The following MANSC1 variants were observed in gnomAD, a reference collection of about 807,000 sequenced individuals.
MANSC1 encodes MANSC domain-containing protein 1.
MANSC1 carries 13 observed loss-of-function variants against 14.1 expected under a neutral mutation model. The observed-to-expected ratio is 0.92, with a 90% CI of 0.60 to 1.46. The LOEUF is 1.46. Among genes scored for constraint, MANSC1 ranks in the 40% most tolerant of loss-of-function variants. The pLI is 0.00. For synonymous variants in MANSC1, 227 were observed against 200.7 expected, an observed-to-expected ratio of 1.13 and a Z score of -1.11; for missense variants, 486 against 511.4, an observed-to-expected ratio of 0.95 and a Z score of 0.48.
chr12:12,331,036 G>C (rs1862783458), intron 3 of MANSC1, 78 bp from the exon 4 acceptor site: 1 of 949,736 alleles, frequency 1.1e-6, no homozygotes. Context: ...AAACATATCA[G>C]CTTGTTCAAA....
chr12:12,338,846 C>T lies in MANSC1; in HGVS notation c.224-286G>A, dbSNP rs1028344463. 1.3e-5 allele frequency: 6 copies of T among 447,174 alleles called. No homozygotes were observed. The East Asian group carries it at 3.0e-4, about 22-fold the overall frequency. The allele number at this position is 447,174 out of a possible 1,614,324, so 27.7% of individuals were successfully genotyped here. On this transcript the variant is annotated intron_variant, in intron 2 of 3. Coordinates refer to ENST00000535902, the MANE Select transcript of MANSC1 (RefSeq NM_018050.4). ...AAAGCCAAAGCAAAGTCTTTAAAGG[C>T]CAAGAAGGCAGGGCTGAAAGGCATC...
At chr12:12,332,547 G>A (rs939056468) in intron 3 of MANSC1, among the ~76,000 whole-genome samples, 1 of 152,200 alleles carries the variant, frequency 6.6e-6, no homozygotes, top group Non-Finnish European at 1.5e-5. Flanking sequence ...TTGAGACAGA[G>A]TCTCACTCTG....
chr12:12,330,719 C>G lies in MANSC1; in HGVS notation c.604G>C (p.Gly202Arg). The G allele has an allele frequency of 6.2e-7, 1 of 1,614,194 alleles. No homozygotes were observed. Among genetic ancestry groups the G allele is most frequent in the South Asian group, 1.1e-5 (1 of 91,086 alleles). ...GAAAATTGTGAACTCTGAGAATGGC[C>G]TTTTTCCTTATAAGCAAGGAGCTGG... ...SAQLLAYKEK[G>R]HSQSSQFSSD... The change falls in exon 4 of 4, where the codon GGC (glycine) becomes CGC (arginine). Residue 202 changes from glycine to arginine, a missense_variant. Transcript: ENST00000535902.
chr12:12,336,820 A>T (rs1862864488), intron 3 of MANSC1, among the ~76,000 whole-genome samples: 1 of 152,196 alleles, frequency 6.6e-6, no homozygotes, highest in African/African-American at 2.4e-5. Context: ...CCACATGGCC[A>T]GAACCTTGTT....
intron 2 of MANSC1, chr12:12,338,888 C>T: frequency 3.4e-6 from 1 of 290,382 alleles, no homozygotes; most frequent in Non-Finnish European, 6.3e-6. Context: ...CACACACACA[C>T]AAACACACAC....
At chr12:12,337,295 TGCCTGTAATCCCA>T (rs1188007857) in intron 3 of MANSC1, among the ~76,000 whole-genome samples, 4 of 131,286 alleles carry the variant, frequency 3.0e-5, no homozygotes, top group Non-Finnish European at 6.6e-5. Context: ...ACAACACTCA[TGCCTGTAATCCCA>T]GCACTTTGGG....
intron 3 of MANSC1, among the ~76,000 whole-genome samples, chr12:12,331,688 TCC>T (rs970538136): frequency 3.9e-4 from 59 of 152,064 alleles, no homozygotes; most frequent in African/African-American, 1.3e-3. Context: ...GGGAGCAGAA[TCC>T]CTGTGGTGTG....
chr12:12,345,898 T>C (rs1362990735), intron 1 of MANSC1, among the ~76,000 whole-genome samples: 2 of 152,216 alleles, frequency 1.3e-5, no homozygotes, highest in African/African-American at 2.4e-5. Context: ...TACAAAATCC[T>C]GGTGAAAGAA....
chr12:12,341,395 C>T (rs539865405), intron 2 of MANSC1, among the ~76,000 whole-genome samples: 4 of 152,160 alleles, frequency 2.6e-5, no homozygotes, highest in African/African-American at 7.2e-5. Flanking sequence ...GGATGCTTCC[C>T]GATCATCTAG....
At chr12:12,340,983 C>T (rs1862925639) in intron 2 of MANSC1, among the ~76,000 whole-genome samples, 1 of 152,162 alleles carries the variant, frequency 6.6e-6, no homozygotes, top group African/African-American at 2.4e-5. Flanking sequence ...GTCTTCTCCA[C>T]ACCATTTTGC....
intron 3 of MANSC1, among the ~76,000 whole-genome samples, chr12:12,331,890 G>A (rs151058029): frequency 6.6e-6 from 1 of 152,270 alleles, no homozygotes; most frequent in Non-Finnish European, 1.5e-5. Flanking sequence ...GAATTTTGGA[G>A]CCAATGTCAT....
At chr12:12,349,620 G>A (rs906630988) in intron 1 of MANSC1, among the ~76,000 whole-genome samples, 1 of 152,074 alleles carries the variant, frequency 6.6e-6, no homozygotes, top group African/African-American at 2.4e-5. Flanking sequence ...AAACTTACTC[G>A]CACGTAATTA....
chr12:12,335,149 A>G (rs1389356488), intron 3 of MANSC1, among the ~76,000 whole-genome samples: 1 of 151,726 alleles, frequency 6.6e-6, no homozygotes, highest in African/African-American at 2.4e-5. Flanking sequence ...GACCCACACC[A>G]CCAGCAAGTC....
At chr12:12,334,283 A>T (rs532438058) in intron 3 of MANSC1, among the ~76,000 whole-genome samples, 4 of 144,258 alleles carry the variant, frequency 2.8e-5, no homozygotes, top group African/African-American at 9.7e-5. Flanking sequence ...TGCCTTAAAA[A>T]AAAAGAAAAA....
chr12:12,329,898 A>T lies in MANSC1; in HGVS notation c.*129T>A. 5 of 745,080 alleles carry T rather than the reference A, an allele frequency of 6.7e-6. No homozygotes were observed. The highest frequency in any genetic ancestry group is 1.1e-5 in the Non-Finnish European group (5 of 471,070). The allele number at this position is 745,080 out of a possible 1,614,324, so 46.2% of individuals were successfully genotyped here. The stretch of plus-strand genomic sequence containing the variant: ...AAGACTCTGTCTCCAAAAAAAAAAA[A>T]GGAAAGCAGAAGGGGGCATTTTCCT... On this transcript the variant is annotated 3_prime_UTR_variant, in exon 4 of 4. Transcript: ENST00000535902.
rs56183211 is a variant in MANSC1, at chr12:12,338,890, A to AACACACACACACACACACACAC, written c.224-352_224-331dup. 2.9e-3 allele frequency: 558 copies of AACACACACACACACACACACAC among 192,988 alleles called. 4 individuals are homozygous for AACACACACACACACACACACAC. The highest frequency in any genetic ancestry group is 8.6e-3 in the East Asian group (51 of 5,924). The allele number at this position is 192,988 out of a possible 1,614,324, so 12.0% of individuals were successfully genotyped here. ...AGGCATCCACAACCACACACACACA[A>AACACACACACACACACACACAC]ACACACACACACACACACACACACA... On this transcript the variant is annotated intron_variant, in intron 2 of 3. Transcript: ENST00000535902.
intron 3 of MANSC1, among the ~76,000 whole-genome samples, chr12:12,337,969 G>C (rs1197661540): frequency 6.6e-6 from 1 of 152,162 alleles, no homozygotes; most frequent in African/African-American, 2.4e-5. Context: ...TTTGATTTCA[G>C]ACGAGATTGG....
At chr12:12,346,966 GTT>G (rs1402151700) in intron 1 of MANSC1, among the ~76,000 whole-genome samples, 1 of 142,752 alleles carries the variant, frequency 7.0e-6, no homozygotes, top group Non-Finnish European at 1.5e-5. Flanking sequence ...ATTTGAGGTG[GTT>G]TTTTTTTTTT....
chr12:12,348,218 A>G (rs866866562), intron 1 of MANSC1: 2 of 152,338 alleles, frequency 1.3e-5, no homozygotes, highest in South Asian at 2.1e-4. Flanking sequence ...ATTCACTCAA[A>G]TGAATTGAAA....
Sources: allele counts gnomAD v4.1 joint callset (sites outside exome capture counted in the v4.1 genomes callset), GRCh38; gene constraint gnomAD v4.1.1; transcripts MANE v1.5; gene names NCBI Gene and HGNC (gene_info 2026-07-23, HGNC 2026-07-21).